The following UGP2 variants were observed in gnomAD, a reference collection of about 807,000 sequenced individuals.
UGP2 encodes UTP--glucose-1-phosphate uridylyltransferase.
UGP2 carries 40 observed loss-of-function variants against 49.0 expected under a neutral mutation model. The ratio of observed to expected loss-of-function variants is 0.82; its 90% CI spans 0.63 to 1.06. UGP2 has a LOEUF of 1.06. UGP2 is among the 50% of genes least tolerant of loss of function. UGP2 has a pLI of 0.00. For missense variants in UGP2, 460 were observed against 603.5 expected, an observed-to-expected ratio of 0.76 and a Z score of 2.49; for synonymous variants, 225 against 213.0, an observed-to-expected ratio of 1.06 and a Z score of -0.49.
At chr2:63,885,933 C>A in intron 6 of UGP2, 47 bp downstream of exon 6, 1 of 1,487,940 alleles carries the variant, frequency 6.7e-7, no homozygotes, top group Non-Finnish European at 8.9e-7. Context: ...TTTCACATTT[C>A]GTAAGTTATG....
At chr2:63,856,056 CGA>C (rs1301833156) in intron 1 of UGP2, 1 of 331,020 alleles carries the variant, frequency 3.0e-6, no homozygotes, top group African/African-American at 2.2e-5. Flanking sequence ...ATGAAAACGT[CGA>C]TACAGGGAAG....
At chr2:63,856,505 G>C in intron 2 of UGP2, 72 bp downstream of exon 2, 8 of 1,498,208 alleles carry the variant, frequency 5.3e-6, no homozygotes, top group Non-Finnish European at 7.1e-6. Context: ...GTTGCTGCCG[G>C]TGATGATGAT....
intron 5 of UGP2, 96 bp downstream of exon 5, chr2:63,884,189 C>T: frequency 1.4e-6 from 2 of 1,425,186 alleles, no homozygotes; most frequent in Non-Finnish European, 1.9e-6. Flanking sequence ...TGTACAGGTA[C>T]CAAATATTGA....
Position 63,885,530 on chromosome 2 carries a change from T to C in UGP2, c.576-59T>C, listed in dbSNP as rs1175517354. 6 of 1,305,344 alleles carry C rather than the reference T, an allele frequency of 4.6e-6. No individual in the cohort carries two copies. In the Admixed American group the frequency reaches 8.1e-5, roughly 18 times the overall value. The allele number at this position is 1,305,344 out of a possible 1,614,324, so 80.9% of individuals were successfully genotyped here. ...TTTAACTTTAATGTATTATTTTATT[T>C]AAAGGCCTGAAATGCTCTACAGGGT... On this transcript the variant is annotated intron_variant, in intron 5 of 9. Coordinates refer to ENST00000337130, the MANE Select transcript of UGP2 (RefSeq NM_006759.4).
intron 1 of UGP2, among the ~76,000 whole-genome samples, chr2:63,843,760 C>G (rs1558928780): frequency 6.6e-6 from 1 of 152,160 alleles, no homozygotes; most frequent in East Asian, 1.9e-4. Context: ...GCACATTTGT[C>G]AAAACTAAGA....
At chr2:63,877,817 C>G (rs541036358) in intron 3 of UGP2, among the ~76,000 whole-genome samples, 106 of 150,992 alleles carry the variant, frequency 7.0e-4, no homozygotes, top group Admixed American at 1.7e-3. Context: ...CAAGGTGAAA[C>G]CCCGTCTCTA....
In UGP2 at chr2:63,854,471, G is replaced by T. The variant is rs566674632; in HGVS notation, c.20-1835G>T. ...AAATCCAAGAAAGCTTCTAACATCTGTACTACTTTTCCTACCAGAAATTTC... is the reference window on the plus strand; with the variant it reads ...AAATCCAAGAAAGCTTCTAACATCTTTACTACTTTTCCTACCAGAAATTTC... On this transcript the variant is annotated intron_variant, in intron 1 of 9. Transcript: ENST00000337130. 3.3e-5 allele frequency among the ~76,000 whole-genome samples: 5 copies of T among 152,318 alleles called. No individual in the cohort carries two copies. In the South Asian group the frequency reaches 1.0e-3, roughly 32 times the overall value.
chr2:63,882,537 G>A lies in UGP2; in HGVS notation c.327G>A (p.Val109=), dbSNP rs747165570. ...TATCTTCCGTGTTGAACAAACTAGT[G>A]GTGGTGAAACTCAATGGTGGTTTGG... is the stretch of plus-strand genomic sequence containing the variant. ...DNISSVLNKL[V]VVKLNGGLGT... is the part of the protein sequence containing the mutation. The change falls in exon 4 of 10, where the codon GTG becomes GTA. Residue 109 remains valine, a synonymous_variant. Coordinates refer to ENST00000337130, the MANE Select transcript of UGP2 (RefSeq NM_006759.4). 1.2e-6 allele frequency: 2 copies of A among 1,613,344 alleles called. No individual in the cohort carries two copies. Among genetic ancestry groups the A allele is most frequent in the South Asian group, 1.1e-5 (1 of 90,950 alleles).
chr2:63,856,804 G>C (rs1484420075), intron 2 of UGP2: 2 of 460,360 alleles, frequency 4.3e-6, no homozygotes, highest in Non-Finnish European at 8.7e-6. Flanking sequence ...ACTTCTGATA[G>C]AACCATGCTA....
intron 3 of UGP2, among the ~76,000 whole-genome samples, chr2:63,872,805 AAGAT>A (rs1477405662): frequency 6.6e-6 from 1 of 151,852 alleles, no homozygotes; most frequent in Non-Finnish European, 1.5e-5. Context: ...AAAAAAAAAA[AAGAT>A]TTATGAACCT....
In UGP2 at chr2:63,842,359, C is replaced by T. The variant is rs1241947425; in HGVS notation, c.19+155C>T. The T allele has an allele frequency of 2.5e-6, 4 of 1,602,314 alleles. No homozygotes were observed. In the South Asian group the frequency reaches 3.3e-5, roughly 13 times the overall value. On this transcript the variant is annotated intron_variant, in intron 1 of 9. Transcript: ENST00000337130. The stretch of plus-strand genomic sequence containing the variant: ...GAATTGTCATCTGAGCTGCCTTGAG[C>T]TGCTGGGTTGACGTTCCAGACGCGT...
chr2:63,866,896 G>T (rs76070172), intron 3 of UGP2, among the ~76,000 whole-genome samples: 1 of 152,134 alleles, frequency 6.6e-6, no homozygotes, highest in East Asian at 1.9e-4. Flanking sequence ...AAATTCCTCA[G>T]TGTGAAACCC....
At chr2:63,881,429 G>A (rs1293562485) in intron 3 of UGP2, among the ~76,000 whole-genome samples, 8 of 152,008 alleles carry the variant, frequency 5.3e-5, no homozygotes, top group African/African-American at 1.9e-4. Flanking sequence ...AAGCACTTAA[G>A]GGGTAGTTTT....
chr2:63,881,733 A>T (rs552228408), intron 3 of UGP2, among the ~76,000 whole-genome samples: 1 of 152,354 alleles, frequency 6.6e-6, no homozygotes, highest in East Asian at 1.9e-4. Context: ...ATAGATGAGG[A>T]TGCTAGGGAG....
chr2:63,886,729 C>T (rs887598509), intron 7 of UGP2, among the ~76,000 whole-genome samples, 191 bp downstream of exon 7: 2 of 152,102 alleles, frequency 1.3e-5, no homozygotes, highest in Admixed American at 1.3e-4. Flanking sequence ...AGTTATGGTG[C>T]CCTATATTTG....
chr2:63,848,480 C>T (rs1313484843), intron 1 of UGP2, among the ~76,000 whole-genome samples: 1 of 152,214 alleles, frequency 6.6e-6, no homozygotes, highest in African/African-American at 2.4e-5. Flanking sequence ...TCTCCTACCT[C>T]AGCCTCCTGA....
chr2:63,855,417 T>C, intron 1 of UGP2: 1 of 483,224 alleles, frequency 2.1e-6, no homozygotes, highest in South Asian at 1.5e-5. Context: ...TGTCCCTATT[T>C]TATGAGAAGT....
rs1170641412 is a variant in UGP2, at chr2:63,842,469, G to A, written c.19+265G>A. ...AGTACCGTCGCTTTCCTGGATAGTGGCTGTAAGTGATAAAACAGGATTTTT... is the reference window on the plus strand; with the variant it reads ...AGTACCGTCGCTTTCCTGGATAGTGACTGTAAGTGATAAAACAGGATTTTT... On this transcript the variant is annotated intron_variant, in intron 1 of 9. Transcript: ENST00000337130. 3.2e-6 allele frequency: 5 copies of A among 1,540,204 alleles called. No homozygotes were observed. The East Asian group carries it at 7.3e-5, about 23-fold the overall frequency.
At position 63,850,186 on chromosome 2, in the gene UGP2, T is replaced by C. The variant is rs145851183; in HGVS notation, c.20-6120T>C. The stretch of plus-strand genomic sequence containing the variant: ...AATTGTTAATCAGAAGACTGGTTTA[T>C]ATATAAATTGTAGCAGTTTTTTTTT... On this transcript the variant is annotated intron_variant, in intron 1 of 9. Transcript: ENST00000337130. Among the ~76,000 whole-genome samples, 532 of 152,352 alleles carry C rather than the reference T, an allele frequency of 3.5e-3. 1 individual carries two copies. The highest frequency in any genetic ancestry group is 0.012 in the African/African-American group (509 of 41,580).
Sources: allele counts gnomAD v4.1 joint callset (sites outside exome capture counted in the v4.1 genomes callset), GRCh38; gene constraint gnomAD v4.1.1; transcripts MANE v1.5; gene names NCBI Gene and HGNC (gene_info 2026-07-23, HGNC 2026-07-21).